GTF3C1: variants seen among roughly 807,000 people sequenced by gnomAD.
GTF3C1 encodes general transcription factor 3C polypeptide 1.
GTF3C1 carries 57 observed loss-of-function variants against 226.7 expected under a neutral mutation model. That is an observed-to-expected ratio of 0.25 (90% CI 0.20 to 0.31). GTF3C1 has a LOEUF of 0.31. Among genes scored for constraint, GTF3C1 ranks in the 10% least tolerant of loss-of-function variants. The pLI, the probability that GTF3C1 is intolerant of heterozygous loss-of-function variation, is 1.00. For missense variants in GTF3C1, 2,217 were observed against 2,776.1 expected, an observed-to-expected ratio of 0.80 and a Z score of 4.53; for synonymous variants, 1,090 against 1,084.8, an observed-to-expected ratio of 1.00 and a Z score of -0.09.
At chr16:27,506,775 T>C in intron 9 of GTF3C1, 72 bp downstream of exon 9, 1 of 1,136,100 alleles carries the variant, frequency 8.8e-7, no homozygotes, top group South Asian at 1.6e-5. Flanking sequence ...TTTGCTGAAC[T>C]GAAGGGGTGT....
At chr16:27,538,971 T>TATAC (rs112317987) in intron 2 of GTF3C1, among the ~76,000 whole-genome samples, 2 of 124,620 alleles carry the variant, frequency 1.6e-5, no homozygotes, top group South Asian at 5.2e-4. Context: ...TACACACATA[T>TATAC]ACACACACAC....
intron 1 of GTF3C1, among the ~76,000 whole-genome samples, chr16:27,545,733 C>T (rs561501536): frequency 4.6e-5 from 7 of 152,302 alleles, no homozygotes; most frequent in Admixed American, 4.6e-4. Context: ...CCAGACTATT[C>T]CAGAAGCTGG....
rs2088500847 is a variant in GTF3C1 at position 27,507,292 on chromosome 16, G to A, written c.1243-136C>T. ...TCTTACTGCCTGGGCCCTGGGTTGGGCACCACTGATGCTCCCTCCAGGCTC... is the reference window on the plus strand; with the variant it reads ...TCTTACTGCCTGGGCCCTGGGTTGGACACCACTGATGCTCCCTCCAGGCTC... On this transcript the variant is annotated intron_variant, in intron 8 of 36. Coordinates refer to ENST00000356183, the MANE Select transcript of GTF3C1 (RefSeq NM_001520.4). This position sits in a 1 kb window ranked among gnomAD's most constrained non-coding sequence, Gnocchi z 4.9. The A allele has an allele frequency of 1.5e-6, 1 of 654,156 alleles. No individual in the cohort carries two copies. The highest frequency in any genetic ancestry group is 1.8e-5 in the African/African-American group (1 of 54,992). The allele number at this position is 654,156 out of a possible 1,614,324, so 40.5% of individuals were successfully genotyped here.
rs1388424459 is a variant in GTF3C1, at chr16:27,464,892, G to T, written c.5356-56C>A. On this transcript the variant is annotated intron_variant, in intron 33 of 36. Coordinates refer to ENST00000356183, the MANE Select transcript of GTF3C1 (RefSeq NM_001520.4). ...GGGGAGCTCGGGATCCTCCACGCTGGTGACGGGGGACGAGTGGAGTGGCCT... is the reference window on the plus strand; with the variant it reads ...GGGGAGCTCGGGATCCTCCACGCTGTTGACGGGGGACGAGTGGAGTGGCCT... 16 of 1,395,702 alleles carry T rather than the reference G, an allele frequency of 1.1e-5. No homozygotes were observed. The East Asian group carries it at 3.6e-4, about 32-fold the overall frequency. The allele number at this position is 1,395,702 out of a possible 1,614,324, so 86.5% of individuals were successfully genotyped here.
chr16:27,528,458 A>G, intron 6 of GTF3C1, 140 bp downstream of exon 6: 1 of 691,096 alleles, frequency 1.4e-6, no homozygotes, highest in Non-Finnish European at 2.5e-6. Context: ...TGAGCCAGGC[A>G]CTGAGGCGCA....
chr16:27,480,980 G>C (rs1567390068), intron 27 of GTF3C1, 99 bp downstream of exon 27: 1 of 917,464 alleles, frequency 1.1e-6, no homozygotes. Context: ...AGCCAGGCAG[G>C]TGCTGTGCGC....
chr16:27,494,086 T>C (rs1488030369), intron 16 of GTF3C1, among the ~76,000 whole-genome samples: 1 of 152,172 alleles, frequency 6.6e-6, no homozygotes, highest in Non-Finnish European at 1.5e-5. Flanking sequence ...TTTATCTTTC[T>C]CTATTTACCA....
chr16:27,497,564 C>A lies in GTF3C1; in HGVS notation c.2350+73G>T, dbSNP rs2088338408. The A allele has an allele frequency of 2.4e-6, 3 of 1,254,246 alleles. No individual in the cohort carries two copies. The Admixed American group carries it at 5.4e-5, about 23-fold the overall frequency. The allele number at this position is 1,254,246 out of a possible 1,614,324, so 77.7% of individuals were successfully genotyped here. A position where few individuals can be genotyped will look rare whatever the true frequency, so the allele number is the denominator to read the frequency against. ...GGCTCGGAGCTCAAATGGAGAGGAC[C>A]AAGTGCCTCAAACATTGTCATACAA... On this transcript the variant is annotated intron_variant, in intron 14 of 36. Coordinates refer to ENST00000356183, the MANE Select transcript of GTF3C1 (RefSeq NM_001520.4).
chr16:27,515,689 G>A (rs1310062582), intron 6 of GTF3C1, among the ~76,000 whole-genome samples: 1 of 152,156 alleles, frequency 6.6e-6, no homozygotes, highest in African/African-American at 2.4e-5. Context: ...CCATGTCTGT[G>A]ACTTTGGGGA....
At chr16:27,489,786 T>C in intron 19 of GTF3C1, 43 bp from the exon 20 acceptor site, 2 of 1,591,268 alleles carry the variant, frequency 1.3e-6, no homozygotes, top group Non-Finnish European at 1.7e-6. Context: ...GCCTTCCTGC[T>C]GCAGCTCTGG....
rs866551107 is a variant in GTF3C1 at position 27,504,495 on chromosome 16, G to A, written c.1770+1404C>T. On this transcript the variant is annotated intron_variant, in intron 10 of 36. Coordinates refer to ENST00000356183, the MANE Select transcript of GTF3C1 (RefSeq NM_001520.4). Reference sequence around the variant, plus strand: ...CCACGCCCCATCACCTCTGCCATAGGAACACTTCCAAAGCACAAAAAGGGA... The same window carrying A: ...CCACGCCCCATCACCTCTGCCATAGAAACACTTCCAAAGCACAAAAAGGGA... 5.3e-5 allele frequency among the ~76,000 whole-genome samples: 8 copies of A among 152,314 alleles called. No individual in the cohort carries two copies. In the South Asian group the frequency reaches 1.4e-3, roughly 28 times the overall value.
chr16:27,470,295 A>G lies in GTF3C1; in HGVS notation c.4627T>C (p.Ser1543Pro). The change falls in exon 31 of 37, where the codon TCT becomes CCT. Residue 1543 changes from serine (S) to proline (P), a missense_variant. Coordinates refer to ENST00000356183, the MANE Select transcript of GTF3C1 (RefSeq NM_001520.4). The surrounding 1 kb of genome is among the most constrained non-coding windows in gnomAD (Gnocchi z 4.9). ...TCGTTATTATCCTGGTCTTTGAAAG[A>G]GAAACGATCAGGCTGGTCCAACTTG... Reference protein sequence around the residue: ...AGKLDQPDRFSFKDQDNNEPT... With the variant: ...AGKLDQPDRFPFKDQDNNEPT... 2 of 1,613,782 alleles carry G rather than the reference A, an allele frequency of 1.2e-6. No homozygotes were observed. Among genetic ancestry groups the G allele is most frequent in the Non-Finnish European group, 1.7e-6 (2 of 1,179,644 alleles).
chr16:27,512,191 T>C (rs1266696456), intron 6 of GTF3C1, among the ~76,000 whole-genome samples: 3 of 152,228 alleles, frequency 2.0e-5, no homozygotes, highest in Non-Finnish European at 4.4e-5. Context: ...GTCAGTCACC[T>C]TCTCCTGCTG....
Position 27,498,698 on chromosome 16 carries a change from G to T in GTF3C1, c.2097C>A (p.Asn699Lys). 6.2e-7 allele frequency: 1 copy of T among 1,603,986 alleles called. No homozygotes were observed. Among genetic ancestry groups the T allele is most frequent in the African/African-American group, 1.3e-5 (1 of 74,856 alleles). The part of the protein sequence containing the change: ...DLVVHPSMDQ[N>K]DPLVRSAIEQ... Reference sequence around the variant, plus strand: ...CGATGGCACTTCTCACTAGAGGGTCGTTCTGGTCCATGGACGGGTGCACCA... The same window carrying T: ...CGATGGCACTTCTCACTAGAGGGTCTTTCTGGTCCATGGACGGGTGCACCA... The change falls in exon 13 of 37, where the codon AAC becomes AAA. Residue 699 changes from asparagine (N) to lysine (K), a missense_variant. By Grantham distance (94) the Asn-to-Lys change is moderately conservative. This residue lies in a region of GTF3C1 where 100 missense variants were observed against 139.9 expected (regional missense o/e 0.71). Transcript: ENST00000356183.
chr16:27,471,157 C>A lies in GTF3C1; in HGVS notation c.4526+591G>T, dbSNP rs866597847. Among the ~76,000 whole-genome samples, 5 of 152,136 alleles carry A rather than the reference C, an allele frequency of 3.3e-5. 1 individual carries two copies. Among genetic ancestry groups the A allele is most frequent in the East Asian group, 3.8e-4 (2 of 5,198 alleles). On this transcript the variant is annotated intron_variant, in intron 30 of 36. Coordinates refer to ENST00000356183, the MANE Select transcript of GTF3C1 (RefSeq NM_001520.4). The surrounding 1 kb of genome is among the most constrained non-coding windows in gnomAD (Gnocchi z 5.0). ...CTGCAGCCCCGTGCAGACCTGAGTG[C>A]GGGGAAGGAGAATGGTGTGAAGGGG... is the stretch of plus-strand genomic sequence containing the variant.
intron 5 of GTF3C1, among the ~76,000 whole-genome samples, chr16:27,531,313 G>A (rs1018009611): frequency 6.6e-6 from 1 of 152,198 alleles, no homozygotes; most frequent in Non-Finnish European, 1.5e-5. Flanking sequence ...TTCTAAGCAT[G>A]TTGCATGGCC....
At chr16:27,509,936 C>T (rs1165991325) in intron 7 of GTF3C1, among the ~76,000 whole-genome samples, 7 of 151,952 alleles carry the variant, frequency 4.6e-5, no homozygotes, top group Non-Finnish European at 1.0e-4. Flanking sequence ...ACTGATCTAG[C>T]AACACGCTAA....
At chr16:27,549,246 G>A (rs1417422483) in intron 1 of GTF3C1, among the ~76,000 whole-genome samples, 4 of 152,168 alleles carry the variant, frequency 2.6e-5, no homozygotes, top group Non-Finnish European at 4.4e-5. Context: ...CTGATACGCA[G>A]ATCTCGAGTT....
chr16:27,541,889 G>A (rs1350655728), intron 2 of GTF3C1, among the ~76,000 whole-genome samples: 1 of 152,176 alleles, frequency 6.6e-6, no homozygotes. Context: ...GTGGAACCGG[G>A]TGGTACATGG....
Sources: allele counts gnomAD v4.1 joint callset (sites outside exome capture counted in the v4.1 genomes callset), GRCh38; gene constraint gnomAD v4.1.1; regional missense constraint gnomAD v4.1.1; non-coding constraint Gnocchi (gnomAD v3.1); transcripts MANE v1.5; gene names NCBI Gene and HGNC (gene_info 2026-07-23, HGNC 2026-07-21).